The following KIAA0825 variants were observed in gnomAD, a reference collection of about 807,000 sequenced individuals.
KIAA0825 encodes the protein uncharacterized protein KIAA0825.
A neutral mutation model predicts 147.6 loss-of-function variants in KIAA0825; 119 were observed. The ratio of observed to expected loss-of-function variants is 0.81; its 90% confidence interval spans 0.69 to 0.94. The LOEUF (loss-of-function observed/expected upper bound fraction) is 0.94. Among genes scored for constraint, KIAA0825 ranks in the 40% least tolerant of loss-of-function variants. KIAA0825 has a pLI of 0.00. For synonymous variants in KIAA0825, 470 were observed against 518.1 expected, an observed-to-expected ratio of 0.91 and a Z score of 1.26; for missense variants, 1,381 against 1,472.7, an observed-to-expected ratio of 0.94 and a Z score of 1.02.
chr5:94,588,839 C>A (rs756409857), intron 1 of KIAA0825, among the ~76,000 whole-genome samples: 15 of 152,042 alleles, frequency 9.9e-5, no homozygotes, highest in Non-Finnish European at 1.8e-4. Flanking sequence ...ACATATACAA[C>A]CATAAAAAGG....
At chr5:94,442,514 G>C (rs186473365) in intron 13 of KIAA0825, among the ~76,000 whole-genome samples, 1 of 152,210 alleles carries the variant, frequency 6.6e-6, no homozygotes, top group East Asian at 1.9e-4. Context: ...TCTGGGTCTG[G>C]CTTTTGCAGT....
At chr5:94,417,116 G>C in intron 15 of KIAA0825, 85 bp downstream of exon 15, 1 of 1,266,778 alleles carries the variant, frequency 7.9e-7, no homozygotes, top group Non-Finnish European at 1.1e-6. Context: ...AGCAAAACCA[G>C]TATCAATACA....
intron 20 of KIAA0825, among the ~76,000 whole-genome samples, chr5:94,317,767 A>C (rs1043543398): frequency 1.3e-5 from 2 of 151,898 alleles, no homozygotes; most frequent in Non-Finnish European, 2.9e-5. Context: ...GTGCTTTAAA[A>C]TATATGTAGA....
intron 2 of KIAA0825, among the ~76,000 whole-genome samples, chr5:94,564,080 T>C (rs1480014599): frequency 6.6e-6 from 1 of 152,144 alleles, no homozygotes; most frequent in African/African-American, 2.4e-5. Flanking sequence ...CCTCCTATAC[T>C]TGACACTAGT....
intron 1 of KIAA0825, chr5:94,594,490 G>A (rs564039763): frequency 1.3e-6 from 1 of 746,744 alleles, no homozygotes; most frequent in Admixed American, 1.7e-5. Flanking sequence ...CTTTATGGAA[G>A]CCATAATATA....
chr5:94,261,190 C>T (rs1776476583), intron 20 of KIAA0825, among the ~76,000 whole-genome samples: 1 of 151,568 alleles, frequency 6.6e-6, no homozygotes. Context: ...ATAGTCCCAG[C>T]TACTTGGGAG....
chr5:94,215,948 G>A (rs564365913), intron 20 of KIAA0825, among the ~76,000 whole-genome samples: 57 of 152,110 alleles, frequency 3.7e-4, no homozygotes, highest in Admixed American at 1.4e-3. Flanking sequence ...ATTTCACCAC[G>A]ATGAACTCCT....
intron 5 of KIAA0825, among the ~76,000 whole-genome samples, chr5:94,517,175 CACAGAGTTT>C (rs1482423431): frequency 6.6e-6 from 1 of 152,174 alleles, no homozygotes; most frequent in African/African-American, 2.4e-5. Context: ...CAGCTTTTGA[CACAGAGTTT>C]AGTGGCATAT....
At chr5:94,163,537 T>C (rs1189168009) in intron 20 of KIAA0825, among the ~76,000 whole-genome samples, 1 of 152,172 alleles carries the variant, frequency 6.6e-6, no homozygotes, top group African/African-American at 2.4e-5. Flanking sequence ...AAAAAAGGGC[T>C]GTCATTTTAA....
intron 20 of KIAA0825, among the ~76,000 whole-genome samples, chr5:94,339,207 T>G (rs564279144): frequency 6.6e-6 from 1 of 152,278 alleles, no homozygotes; most frequent in East Asian, 1.9e-4. Flanking sequence ...AGCTAGAGGA[T>G]TCTATTAACT....
intron 20 of KIAA0825, among the ~76,000 whole-genome samples, chr5:94,171,389 G>T (rs956898718): frequency 3.9e-5 from 6 of 152,108 alleles, no homozygotes; most frequent in Admixed American, 3.9e-4. Flanking sequence ...CCAGTCTCGG[G>T]TATGTCTTTA....
intron 15 of KIAA0825, chr5:94,415,582 G>A (rs1206591897): frequency 6.6e-6 from 1 of 152,158 alleles, no homozygotes; most frequent in African/African-American, 2.4e-5. Flanking sequence ...GCAGGTATCA[G>A]GTTCCAGAGA....
At chr5:94,606,770 T>C (rs942777653) in intron 1 of KIAA0825, among the ~76,000 whole-genome samples, 2 of 152,032 alleles carry the variant, frequency 1.3e-5, no homozygotes, top group Non-Finnish European at 2.9e-5. Context: ...CAAACAAACA[T>C]ATTAAAGTGG....
chr5:94,293,026 C>G (rs1367834526), intron 20 of KIAA0825, among the ~76,000 whole-genome samples: 2 of 150,678 alleles, frequency 1.3e-5, no homozygotes, highest in Admixed American at 1.3e-4. Flanking sequence ...GTCTGGCTAG[C>G]AGTCTGTCTA....
chr5:94,540,107 G>C (rs761386139), intron 2 of KIAA0825, among the ~76,000 whole-genome samples: 3 of 152,068 alleles, frequency 2.0e-5, no homozygotes, highest in Non-Finnish European at 4.4e-5. Context: ...TCCCCACCCC[G>C]CCTGAGGCAA....
chr5:94,515,497 T>C (rs530328866), intron 5 of KIAA0825, among the ~76,000 whole-genome samples: 3 of 152,232 alleles, frequency 2.0e-5, no homozygotes, highest in South Asian at 2.1e-4. Context: ...ATTTTCCTAA[T>C]ATTAGAGAAA....
At chr5:94,434,012 A>C (rs1756026884) in intron 14 of KIAA0825, among the ~76,000 whole-genome samples, 1 of 152,218 alleles carries the variant, frequency 6.6e-6, no homozygotes, top group East Asian at 1.9e-4. Flanking sequence ...TTACCAGAAC[A>C]ATTGCCTTGG....
rs1766653928 is a variant in KIAA0825, at chr5:94,152,857, T to TAAAAAAAAAAA, written c.*1149_*1150insTTTTTTTTTTT. The TAAAAAAAAAAA allele has an allele frequency of 5.2e-4, 1 of 1,910 alleles. No individual in the cohort carries two copies. The highest frequency in any genetic ancestry group is 1.1e-3 in the Non-Finnish European group (1 of 920). 0.1% of individuals were successfully genotyped at this position (1,910 alleles called of 1,614,324 possible). A position where few individuals can be genotyped will look rare whatever the true frequency, so the allele number is the denominator to read the frequency against. ...AAAAAAAAAAAAAAAAAAAAAAAAT[T>TAAAAAAAAAAA]ATATATATATATATATATATATATA... On this transcript the variant is annotated 3_prime_UTR_variant, in exon 21 of 21. Transcript: ENST00000682413.
At chr5:94,580,353 C>CA (rs1432482572) in intron 2 of KIAA0825, among the ~76,000 whole-genome samples, 1 of 151,536 alleles carries the variant, frequency 6.6e-6, no homozygotes, top group Non-Finnish European at 1.5e-5. Context: ...CATAGGTGAT[C>CA]AAAAAAACAA....
Sources: allele counts gnomAD v4.1 joint callset (sites outside exome capture counted in the v4.1 genomes callset), GRCh38; gene constraint gnomAD v4.1.1; transcripts MANE v1.5; gene names NCBI Gene and HGNC (gene_info 2026-07-23, HGNC 2026-07-21).